Variants in SHB observed in about 807,000 individuals in gnomAD.
SHB encodes SH2 domain containing adaptor protein B.
Under a neutral mutation model 52.3 loss-of-function variants are expected in SHB, and 20 were observed. The observed-to-expected ratio is 0.38, with a 90% CI of 0.27 to 0.56. The LOEUF is 0.56. SHB is among the 20% of genes least tolerant of loss of function. The probability of loss-of-function intolerance (pLI) is 0.71; values close to 1 mark genes in which losing one functional copy is unlikely to be tolerated. For missense variants in SHB, 825 were observed against 723.3 expected (o/e 1.14, Z -1.61); for synonymous variants, 397 against 316.5 (o/e 1.25, Z -2.70).
intron 1 of SHB, among the ~76,000 whole-genome samples, chr9:38,021,194 G>T (rs2118089610): frequency 6.6e-6 from 1 of 152,092 alleles, no homozygotes; most frequent in East Asian, 1.9e-4. Flanking sequence ...AAAAAAATTA[G>T]CTGGGCCTGG....
At chr9:38,065,852 C>A (rs1472072619) in intron 1 of SHB, among the ~76,000 whole-genome samples, 2 of 152,188 alleles carry the variant, frequency 1.3e-5, no homozygotes, top group Non-Finnish European at 1.5e-5. Flanking sequence ...AGGGACTTCA[C>A]CTGCAGTTCC....
chr9:37,975,224 C>T (rs1820640281), intron 2 of SHB, among the ~76,000 whole-genome samples: 1 of 152,178 alleles, frequency 6.6e-6, no homozygotes, highest in African/African-American at 2.4e-5. Context: ...AGGGCAGTTC[C>T]TTGCCCTCTT....
intron 2 of SHB, among the ~76,000 whole-genome samples, chr9:38,013,623 C>T (rs1296418234): frequency 6.6e-6 from 1 of 152,202 alleles, no homozygotes; most frequent in African/African-American, 2.4e-5. Context: ...CGAAGTTCCT[C>T]AGGTAATTTC....
chr9:37,932,228 G>A (rs1408252869), intron 5 of SHB, among the ~76,000 whole-genome samples: 2 of 138,750 alleles, frequency 1.4e-5, no homozygotes, highest in African/African-American at 5.5e-5. Context: ...AGCCAAGATC[G>A]CGCCACTGCA....
intron 1 of SHB, among the ~76,000 whole-genome samples, chr9:38,023,963 T>G (rs1821311752): frequency 3.3e-5 from 5 of 152,256 alleles, no homozygotes; most frequent in Admixed American, 3.3e-4. Flanking sequence ...AATAAATCAC[T>G]GCTGACATGG....
At chr9:38,008,334 C>T (rs751724149) in intron 2 of SHB, among the ~76,000 whole-genome samples, 2 of 152,200 alleles carry the variant, frequency 1.3e-5, no homozygotes, top group African/African-American at 2.4e-5. Flanking sequence ...CACAGCTCTG[C>T]GGGTGAGCAC....
At chr9:37,922,437 C>T (rs754024794) in intron 5 of SHB, among the ~76,000 whole-genome samples, 6 of 152,202 alleles carry the variant, frequency 3.9e-5, no homozygotes, top group Non-Finnish European at 5.9e-5. Context: ...GTCCTCTGTA[C>T]CTTGGCTGCC....
At chr9:37,949,392 CAAAAAAA>C (rs771495216) in intron 4 of SHB, among the ~76,000 whole-genome samples, 122 of 50,288 alleles carry the variant, frequency 2.4e-3, no homozygotes, top group African/African-American at 7.6e-3. Flanking sequence ...GACTCCATCT[CAAAAAAA>C]AAAAAAAAAA....
At position 37,991,313 on chromosome 9, in the gene SHB, C is replaced by T. The variant is rs536326281; in HGVS notation, c.839-16476G>A. Among the ~76,000 whole-genome samples the T allele has an allele frequency of 2.6e-5, 4 of 152,284 alleles. No homozygotes were observed. The East Asian group carries it at 7.7e-4, about 29-fold the overall frequency. On this transcript the variant is annotated intron_variant, in intron 2 of 5. Coordinates refer to ENST00000377707, the MANE Select transcript of SHB (RefSeq NM_003028.3). ...CGCTTCTCTGATCAGAGTCTGTGCA[C>T]GCTCTCCTCAGGGCTCCACGCTTTC...
intron 1 of SHB, among the ~76,000 whole-genome samples, chr9:38,022,833 C>T (rs989881023): frequency 3.3e-5 from 5 of 152,212 alleles, no homozygotes; most frequent in African/African-American, 1.2e-4. Flanking sequence ...TCAGGAAAGA[C>T]ATCGACAGCC....
rs1034940050 is a variant in SHB at position 37,918,650 on chromosome 9, C to T, written c.*1171G>A. On this transcript the variant is annotated 3_prime_UTR_variant, in exon 6 of 6. Transcript: ENST00000377707. The stretch of plus-strand genomic sequence containing the variant: ...AACGAAAGAGCATTGGCTGCAGAAC[C>T]GCTCTGCTGCTGGTGAGCTGTGTGG... Among the ~76,000 whole-genome samples, 90 of 152,318 alleles carry T rather than the reference C, an allele frequency of 5.9e-4. No homozygotes were observed. Among genetic ancestry groups the T allele is most frequent in the African/African-American group, 2.0e-3 (84 of 41,562 alleles).
intron 5 of SHB, among the ~76,000 whole-genome samples, chr9:37,929,103 C>T (rs1832283948): frequency 6.6e-6 from 1 of 152,262 alleles, no homozygotes; most frequent in African/African-American, 2.4e-5. Flanking sequence ...TCAGGGCCAC[C>T]CAGACCTGTA....
intron 3 of SHB, among the ~76,000 whole-genome samples, chr9:37,963,214 C>T (rs986725620): frequency 6.6e-6 from 1 of 152,202 alleles, no homozygotes; most frequent in Non-Finnish European, 1.5e-5. Flanking sequence ...AACGGAGCAA[C>T]AGGACCCAGA....
intron 1 of SHB, among the ~76,000 whole-genome samples, chr9:38,043,173 A>G (rs1432204345): frequency 6.6e-6 from 1 of 152,110 alleles, no homozygotes; most frequent in African/African-American, 2.4e-5. Context: ...TCCATCTGAC[A>G]CACTGCAACA....
At chr9:38,052,597 C>T (rs1821765297) in intron 1 of SHB, among the ~76,000 whole-genome samples, 1 of 152,184 alleles carries the variant, frequency 6.6e-6, no homozygotes, top group Non-Finnish European at 1.5e-5. Flanking sequence ...TAAAGCATTC[C>T]ATGTCCTCCT....
Position 37,942,732 on chromosome 9 carries a change from A to G in SHB, c.1346+5903T>C, listed in dbSNP as rs570733949. Among the ~76,000 whole-genome samples the G allele has an allele frequency of 7.5e-4, 115 of 152,320 alleles. 3 individuals carry two copies. In the South Asian group the frequency reaches 9.7e-3, roughly 13 times the overall value. The stretch of plus-strand genomic sequence containing the variant: ...AGATGGAAGCAGGACTTGGATTCAG[A>G]TATCTGACTGCAGAGCCTGTGTTGT... On this transcript the variant is annotated intron_variant, in intron 5 of 5. Coordinates refer to ENST00000377707, the MANE Select transcript of SHB (RefSeq NM_003028.3).
At chr9:38,013,082 G>A (rs1821163124) in intron 2 of SHB, among the ~76,000 whole-genome samples, 1 of 151,946 alleles carries the variant, frequency 6.6e-6, no homozygotes, top group Non-Finnish European at 1.5e-5. Flanking sequence ...GTCAAAGGGA[G>A]CTTCAGCAAG....
intron 3 of SHB, among the ~76,000 whole-genome samples, chr9:37,962,544 T>C (rs1455280148): frequency 6.6e-6 from 1 of 151,802 alleles, no homozygotes; most frequent in African/African-American, 2.4e-5. Context: ...TCTCATTCTG[T>C]CGCTCAGGCT....
chr9:38,029,353 G>C (rs1166698989), intron 1 of SHB, among the ~76,000 whole-genome samples: 2 of 152,312 alleles, frequency 1.3e-5, no homozygotes, highest in Non-Finnish European at 2.9e-5. Flanking sequence ...TTTTACTCAA[G>C]TGCTTGCCCA....
Sources: allele counts gnomAD v4.1 joint callset (sites outside exome capture counted in the v4.1 genomes callset), GRCh38; gene constraint gnomAD v4.1.1; transcripts MANE v1.5; gene names NCBI Gene and HGNC (gene_info 2026-07-23, HGNC 2026-07-21).